Variants in CNTNAP2 observed in about 807,000 individuals in gnomAD.
CNTNAP2 encodes contactin-associated protein-like 2.
A neutral mutation model predicts 155.2 loss-of-function variants in CNTNAP2; 98 were observed. The ratio of observed to expected loss-of-function variants is 0.63; its 90% CI spans 0.54 to 0.75. The LOEUF is 0.75. CNTNAP2 is among the 30% of genes least tolerant of loss of function. The pLI is 0.00. For missense variants in CNTNAP2, 1,727 were observed against 1,688.1 expected (o/e 1.02, Z -0.40); for synonymous variants, 651 against 631.2 (o/e 1.03, Z -0.47).
chr7:146,757,568 A>C (rs1310386851), intron 1 of CNTNAP2, among the ~76,000 whole-genome samples: 1 of 152,144 alleles, frequency 6.6e-6, no homozygotes, highest in Non-Finnish European at 1.5e-5. Context: ...GATGATGTTC[A>C]TTTCTCCTGC....
At chr7:147,122,436 C>T (rs566791730) in intron 6 of CNTNAP2, 20 of 152,284 alleles carry the variant, frequency 1.3e-4, no homozygotes, top group Middle Eastern at 3.4e-3. Flanking sequence ...GAGAAATAAA[C>T]ACAAAATAAA....
intron 1 of CNTNAP2, among the ~76,000 whole-genome samples, chr7:146,421,133 A>G (rs969888568): frequency 5.9e-5 from 9 of 152,042 alleles, no homozygotes; most frequent in African/African-American, 1.9e-4. Flanking sequence ...TTATAGAAAT[A>G]CTGTAAGATT....
intron 13 of CNTNAP2, among the ~76,000 whole-genome samples, chr7:147,737,832 A>T (rs1425980930): frequency 6.6e-6 from 1 of 152,212 alleles, no homozygotes; most frequent in African/African-American, 2.4e-5. Flanking sequence ...TGCGGGATGT[A>T]ATCTCCTAGT....
At chr7:147,495,740 A>G (rs779529420) in intron 11 of CNTNAP2, among the ~76,000 whole-genome samples, 8 of 152,208 alleles carry the variant, frequency 5.3e-5, no homozygotes, top group African/African-American at 1.9e-4. Context: ...GCTATTCTTC[A>G]TAAGTCATTT....
rs1193735486 is a variant in CNTNAP2, at chr7:147,772,486, AC to A, written c.2099-131078del. 3.4e-4 allele frequency among the ~76,000 whole-genome samples: 45 copies of A among 131,474 alleles called. 1 individual carries two copies. Among genetic ancestry groups the A allele is most frequent in the African/African-American group, 1.1e-3 (34 of 32,114 alleles). 86.3% of individuals were successfully genotyped at this position (131,474 alleles called of 152,430 possible). A position where few individuals can be genotyped will look rare whatever the true frequency, so the allele number is the denominator to read the frequency against. ...TATATATATATATATATATATATAC[AC>A]ACACAAAAAAAAAACCACAAAAGAG... On this transcript the variant is annotated intron_variant, in intron 13 of 23. Transcript: ENST00000361727.
intron 13 of CNTNAP2, among the ~76,000 whole-genome samples, chr7:147,869,946 C>A (rs1411627918): frequency 6.6e-6 from 1 of 152,016 alleles, no homozygotes; most frequent in African/African-American, 2.4e-5. Context: ...AGCATCTAAC[C>A]TGTACTAAAT....
At chr7:147,238,202 G>A (rs910581602) in intron 8 of CNTNAP2, among the ~76,000 whole-genome samples, 17 of 152,032 alleles carry the variant, frequency 1.1e-4, no homozygotes, top group Non-Finnish European at 2.2e-4. Context: ...TTTTTAGTAG[G>A]GATGGGGTTT....
At chr7:146,978,102 C>A (rs1247749874) in intron 3 of CNTNAP2, among the ~76,000 whole-genome samples, 1 of 152,040 alleles carries the variant, frequency 6.6e-6, no homozygotes, top group Non-Finnish European at 1.5e-5. Flanking sequence ...GGATAGGAGC[C>A]CTTTATAGTT....
At chr7:147,762,865 T>C (rs181014718) in intron 13 of CNTNAP2, among the ~76,000 whole-genome samples, 97 of 152,154 alleles carry the variant, frequency 6.4e-4, no homozygotes, top group African/African-American at 2.1e-3. Context: ...TGAACCTTTC[T>C]ACTAAATATC....
intron 1 of CNTNAP2, among the ~76,000 whole-genome samples, chr7:146,190,674 G>A (rs1466688822): frequency 1.3e-5 from 2 of 152,110 alleles, no homozygotes; most frequent in African/African-American, 4.8e-5. Context: ...AAGTGATAAT[G>A]GAAAGTAAAG....
intron 1 of CNTNAP2, among the ~76,000 whole-genome samples, chr7:146,626,955 C>T (rs1563162564): frequency 1.3e-5 from 2 of 152,056 alleles, no homozygotes; most frequent in Non-Finnish European, 2.9e-5. Context: ...CCTCATTTTT[C>T]TTTATTTCTG....
At chr7:148,137,743 C>G (rs1387747512) in intron 16 of CNTNAP2, among the ~76,000 whole-genome samples, 3 of 147,692 alleles carry the variant, frequency 2.0e-5, no homozygotes, top group Non-Finnish European at 3.0e-5. Flanking sequence ...GAAGGTTCTC[C>G]TTTCCTCTCT....
At chr7:147,422,102 A>T (rs1022094185) in intron 10 of CNTNAP2, among the ~76,000 whole-genome samples, 1 of 130,930 alleles carries the variant, frequency 7.6e-6, no homozygotes, top group African/African-American at 2.8e-5. Flanking sequence ...GTATATATAC[A>T]GTATATATAT....
intron 4 of CNTNAP2, among the ~76,000 whole-genome samples, chr7:147,065,483 A>G (rs1327432012): frequency 5.3e-5 from 8 of 152,214 alleles, no homozygotes; most frequent in Non-Finnish European, 1.2e-4. Context: ...TCCAACTCTC[A>G]TATTTAAACA....
intron 8 of CNTNAP2, 146 bp downstream of exon 8, chr7:147,132,655 G>T: frequency 1.8e-6 from 2 of 1,121,594 alleles, no homozygotes; most frequent in Admixed American, 2.1e-5. Flanking sequence ...GTTGTAGTGT[G>T]TGCTGATTGA....
At position 147,279,895 on chromosome 7, in the gene CNTNAP2, G is replaced by T. The variant is rs187672471; in HGVS notation, c.1349-20246G>T. Among the ~76,000 whole-genome samples, 44 of 151,970 alleles carry T rather than the reference G, an allele frequency of 2.9e-4. No individual in the cohort carries two copies. In the East Asian group the frequency reaches 7.2e-3, roughly 25 times the overall value. ...TAGGGATTTATTAGGATGTTTACAC[G>T]GTGGTAGACAGAGATCTGTCAGATA... On this transcript the variant is annotated intron_variant, in intron 8 of 23. Transcript: ENST00000361727.
At chr7:146,397,953 A>G (rs919596116) in intron 1 of CNTNAP2, among the ~76,000 whole-genome samples, 1 of 148,864 alleles carries the variant, frequency 6.7e-6, no homozygotes, top group Admixed American at 6.7e-5. Context: ...GCTTCACTGC[A>G]GCCTCAAATT....
chr7:148,091,148 T>A (rs1585120242), intron 15 of CNTNAP2, among the ~76,000 whole-genome samples: 1 of 152,164 alleles, frequency 6.6e-6, no homozygotes, highest in East Asian at 1.9e-4. Context: ...AGAGATCTAT[T>A]GTACATCATA....
Position 147,919,496 on chromosome 7 carries a change from T to C in CNTNAP2, c.2255+15775T>C. On this transcript the variant is annotated intron_variant, in intron 14 of 23. Coordinates refer to ENST00000361727, the MANE Select transcript of CNTNAP2 (RefSeq NM_014141.6). ...TTTTTTGAGACAGAGTCTTGCTCTG[T>C]CTCCCAGGCTGGAGTGCAGTGGCGC... Among the ~76,000 whole-genome samples, 2 of 132,808 alleles carry C rather than the reference T, an allele frequency of 1.5e-5. 1 individual carries two copies. Among genetic ancestry groups the C allele is most frequent in the Non-Finnish European group, 3.2e-5 (2 of 63,106 alleles). 87.1% of individuals were successfully genotyped at this position (132,808 alleles called of 152,430 possible).
Sources: gnomAD v4.1 joint callset for allele counts (sites outside exome capture counted in the v4.1 genomes callset) on GRCh38, gnomAD v4.1.1 for gene constraint, MANE v1.5 for transcripts, NCBI Gene and HGNC (gene_info 2026-07-23, HGNC 2026-07-21) for gene names.